TAFA1: variants seen among roughly 807,000 people sequenced by gnomAD.
TAFA1 encodes the protein chemokine-like protein TAFA-1.
Under a neutral mutation model 18.5 loss-of-function variants are expected in TAFA1, and 4 were observed. The ratio of observed to expected loss-of-function variants is 0.22; its 90% CI spans 0.11 to 0.49. The LOEUF (loss-of-function observed/expected upper bound fraction) is 0.49, where lower values mean the gene tolerates loss of function less well. TAFA1 is among the 20% of genes least tolerant of loss of function. The pLI, the probability that TAFA1 is intolerant of heterozygous loss-of-function variation, is 0.98. For synonymous variants in TAFA1, 56 were observed against 55.2 expected (o/e 1.01, Z -0.06); for missense variants, 147 against 169.0 (o/e 0.87, Z 0.72).
intron 2 of TAFA1, among the ~76,000 whole-genome samples, chr3:68,131,890 T>C (rs1299616043): frequency 2.6e-5 from 4 of 152,312 alleles, no homozygotes. Flanking sequence ...TAACCTTTTT[T>C]TTTTATTATT....
At chr3:68,266,829 A>C (rs562141383) in intron 2 of TAFA1, among the ~76,000 whole-genome samples, 33 of 152,250 alleles carry the variant, frequency 2.2e-4, no homozygotes, top group African/African-American at 7.5e-4. Flanking sequence ...CCCAACTCTC[A>C]GCGATAAGTA....
intron 2 of TAFA1, among the ~76,000 whole-genome samples, chr3:68,249,503 C>G (rs1356697841): frequency 6.6e-6 from 1 of 152,116 alleles, no homozygotes; most frequent in African/African-American, 2.4e-5. Flanking sequence ...TCCTATGTAT[C>G]AAACAGCATA....
chr3:68,004,177 T>C (rs1178819969), upstream of TAFA1: 2 of 152,236 alleles, frequency 1.3e-5, no homozygotes, highest in African/African-American at 4.8e-5. Flanking sequence ...TACAATTCAC[T>C]GTAGCTGTAA....
chr3:68,032,875 T>A (rs1161863985), intron 2 of TAFA1, among the ~76,000 whole-genome samples: 1 of 152,098 alleles, frequency 6.6e-6, no homozygotes, highest in Non-Finnish European at 1.5e-5. Context: ...CTCTTGCGCT[T>A]TTCAGTTCTT....
chr3:68,506,928 T>G (rs901241617), intron 3 of TAFA1, among the ~76,000 whole-genome samples: 13 of 151,884 alleles, frequency 8.6e-5, no homozygotes, highest in Non-Finnish European at 1.0e-4. Context: ...ATTATTTTTC[T>G]GGGCTGGAAG....
chr3:68,177,979 C>T (rs2066145965), intron 2 of TAFA1, among the ~76,000 whole-genome samples: 1 of 152,084 alleles, frequency 6.6e-6, no homozygotes, highest in African/African-American at 2.4e-5. Flanking sequence ...CCCATCTCTA[C>T]TAAAAATACA....
At chr3:68,311,193 C>T (rs576540562) in intron 2 of TAFA1, among the ~76,000 whole-genome samples, 4 of 152,228 alleles carry the variant, frequency 2.6e-5, no homozygotes, top group Non-Finnish European at 4.4e-5. Context: ...ATGATTCAAT[C>T]GTGTCCCACT....
chr3:68,493,107 C>G (rs1348079867), intron 3 of TAFA1, among the ~76,000 whole-genome samples: 1 of 152,098 alleles, frequency 6.6e-6, no homozygotes, highest in Non-Finnish European at 1.5e-5. Context: ...TCTCATCTTG[C>G]AATAGTAAAT....
At chr3:68,178,662 A>G (rs1268567478) in intron 2 of TAFA1, among the ~76,000 whole-genome samples, 1 of 152,264 alleles carries the variant, frequency 6.6e-6, no homozygotes, top group Non-Finnish European at 1.5e-5. Flanking sequence ...ATACCTTGGC[A>G]TGCACAAGGA....
At chr3:68,086,642 G>T (rs1216280509) in intron 2 of TAFA1, among the ~76,000 whole-genome samples, 1 of 152,174 alleles carries the variant, frequency 6.6e-6, no homozygotes, top group East Asian at 1.9e-4. Context: ...TAATGAGAAT[G>T]AGGGGAAAGG....
At position 68,004,394 on chromosome 3, in the gene TAFA1, T is replaced by A. The variant is rs1203604128; in HGVS notation, c.-312T>A. Reference sequence around the variant, plus strand: ...AAACTGCACATTATCTCCCCATCACTTCAAAGGTCTCGTCAGGCAGAGGTG... The same window carrying A: ...AAACTGCACATTATCTCCCCATCACATCAAAGGTCTCGTCAGGCAGAGGTG... On this transcript the variant is annotated 5_prime_UTR_variant, in exon 1 of 5. Coordinates refer to ENST00000478136, the MANE Select transcript of TAFA1 (RefSeq NM_213609.4). 2 of 152,166 alleles carry A rather than the reference T, an allele frequency of 1.3e-5. No homozygotes were observed. Among genetic ancestry groups the A allele is most frequent in the Admixed American group, 6.5e-5 (1 of 15,280 alleles). 9.4% of individuals were successfully genotyped at this position (152,166 alleles called of 1,614,324 possible). A position where few individuals can be genotyped will look rare whatever the true frequency, so the allele number is the denominator to read the frequency against.
intron 2 of TAFA1, among the ~76,000 whole-genome samples, chr3:68,264,144 C>T (rs575071510): frequency 6.6e-6 from 1 of 152,122 alleles, no homozygotes; most frequent in African/African-American, 2.4e-5. Context: ...GTGGTAGGCA[C>T]CTGTAATCCC....
At chr3:68,401,759 C>T (rs2070498476) in intron 2 of TAFA1, among the ~76,000 whole-genome samples, 1 of 152,178 alleles carries the variant, frequency 6.6e-6, no homozygotes, top group Non-Finnish European at 1.5e-5. Context: ...CATTACCAGT[C>T]TTCAGTCTTG....
intron 2 of TAFA1, among the ~76,000 whole-genome samples, chr3:68,387,063 T>TA (rs1559645880): frequency 1.3e-5 from 2 of 152,078 alleles, no homozygotes; most frequent in Admixed American, 6.6e-5. Flanking sequence ...AATTTTATTT[T>TA]TTTTTTTGGT....
At chr3:68,469,493 T>G (rs1461044960) in intron 3 of TAFA1, among the ~76,000 whole-genome samples, 3 of 151,940 alleles carry the variant, frequency 2.0e-5, no homozygotes, top group African/African-American at 4.8e-5. Context: ...GCTAACAAGG[T>G]GAAACCCCGT....
chr3:68,340,160 T>C (rs1213451906), intron 2 of TAFA1, among the ~76,000 whole-genome samples: 1 of 152,210 alleles, frequency 6.6e-6, no homozygotes, highest in Non-Finnish European at 1.5e-5. Flanking sequence ...ACATGCAAAT[T>C]GAGTATTCTA....
At chr3:68,335,330 T>C (rs542758586) in intron 2 of TAFA1, among the ~76,000 whole-genome samples, 1 of 152,332 alleles carries the variant, frequency 6.6e-6, no homozygotes, top group Non-Finnish European at 1.5e-5. Flanking sequence ...ATATCATGTC[T>C]ATTATTTAGT....
At chr3:68,516,596 T>G (rs1015493698) in intron 3 of TAFA1, among the ~76,000 whole-genome samples, 1 of 152,172 alleles carries the variant, frequency 6.6e-6, no homozygotes, top group Non-Finnish European at 1.5e-5. Context: ...TGTGCAGCAT[T>G]AAGGAGAGCA....
intron 2 of TAFA1, among the ~76,000 whole-genome samples, chr3:68,153,356 T>G (rs2065829789): frequency 6.6e-6 from 1 of 152,156 alleles, no homozygotes; most frequent in Non-Finnish European, 1.5e-5. Context: ...CACAGGACAC[T>G]TTCAAGGACC....
Sources: allele counts gnomAD v4.1 joint callset (sites outside exome capture counted in the v4.1 genomes callset), GRCh38; gene constraint gnomAD v4.1.1; transcripts MANE v1.5; gene names NCBI Gene and HGNC (gene_info 2026-07-23, HGNC 2026-07-21).